ROBO2: variants seen among roughly 807,000 people sequenced by gnomAD.
ROBO2 encodes roundabout homolog 2.
Under a neutral mutation model 160.8 loss-of-function variants are expected in ROBO2, and 53 were observed. The ratio of observed to expected loss-of-function variants is 0.33; its 90% CI spans 0.26 to 0.41. The LOEUF is 0.41. ROBO2 is among the 10% of genes least tolerant of loss of function. ROBO2 has a pLI of 1.00. For synonymous variants in ROBO2, 664 were observed against 611.7 expected (o/e 1.09, Z -1.26); for missense variants, 1,577 against 1,722.4 (o/e 0.92, Z 1.49).
intron 2 of ROBO2, among the ~76,000 whole-genome samples, chr3:76,435,803 A>G (rs1409329847): frequency 2.0e-5 from 3 of 152,158 alleles, no homozygotes; most frequent in African/African-American, 7.2e-5. Flanking sequence ...GAATGTTCAC[A>G]CTGGTTAATC....
At chr3:75,964,278 A>G (rs1313212837) in intron 2 of ROBO2, among the ~76,000 whole-genome samples, 17 of 151,706 alleles carry the variant, frequency 1.1e-4, no homozygotes, top group African/African-American at 4.1e-4. Flanking sequence ...CAGAATGTGT[A>G]AAAAAAATCT....
chr3:76,143,894 T>C (rs945366829), intron 2 of ROBO2, among the ~76,000 whole-genome samples: 7 of 152,000 alleles, frequency 4.6e-5, no homozygotes, highest in African/African-American at 1.7e-4. Flanking sequence ...AGTTCCACTG[T>C]AAGGTGGGAG....
chr3:77,644,822 A>G (rs2095395325), exon 25 of ROBO2: 2 of 1,614,052 alleles, frequency 1.2e-6, no homozygotes, highest in African/African-American at 2.7e-5. Context: ...TGTTGAGAGC[A>G]GGCCACCAGC....
At chr3:76,023,017 C>G (rs1386706152) in intron 2 of ROBO2, among the ~76,000 whole-genome samples, 1 of 151,804 alleles carries the variant, frequency 6.6e-6, no homozygotes, top group Non-Finnish European at 1.5e-5. Flanking sequence ...TCAGCACACA[C>G]TAGTTCACCT....
intron 1 of ROBO2, among the ~76,000 whole-genome samples, chr3:77,055,190 G>A (rs530791174): frequency 1.6e-4 from 24 of 151,844 alleles, no homozygotes; most frequent in Admixed American, 3.9e-4. Context: ...CTTCCACTGC[G>A]TCTTCCCACT....
At chr3:77,228,177 CT>C (rs779506144) in intron 2 of ROBO2, among the ~76,000 whole-genome samples, 1 of 151,738 alleles carries the variant, frequency 6.6e-6, no homozygotes, top group South Asian at 2.1e-4. Context: ...ATTTTTGTTT[CT>C]TTTTTTGAGA....
At chr3:77,141,134 T>C (rs938819061) in intron 2 of ROBO2, among the ~76,000 whole-genome samples, 2 of 152,202 alleles carry the variant, frequency 1.3e-5, no homozygotes, top group Non-Finnish European at 1.5e-5. Flanking sequence ...ACAATGTAAT[T>C]TGATCTTATA....
In ROBO2 at chr3:76,962,206, G is replaced by C. The variant is rs111386094; in HGVS notation, c.110-135808G>C. 5.4e-3 allele frequency among the ~76,000 whole-genome samples: 828 copies of C among 152,148 alleles called. 7 individuals carry two copies. The highest frequency in any genetic ancestry group is 0.019 in the African/African-American group (771 of 41,508). On this transcript the variant is annotated intron_variant, in intron 2 of 26. Coordinates refer to the ROBO2 transcript ENST00000487694. ...AAAAATTAGCTGGGTGTGGTGGCAG[G>C]TGCCTGTAATCCAAGCTACTTGGGA...
chr3:76,346,762 A>G (rs2074556374), intron 2 of ROBO2, among the ~76,000 whole-genome samples: 1 of 152,150 alleles, frequency 6.6e-6, no homozygotes, highest in South Asian at 2.1e-4. Context: ...TAAGGGATCT[A>G]AAAAATATGA....
intron 2 of ROBO2, among the ~76,000 whole-genome samples, chr3:76,806,322 C>A (rs2064709951): frequency 6.6e-6 from 1 of 151,560 alleles, no homozygotes; most frequent in Non-Finnish European, 1.5e-5. Flanking sequence ...CTCTTGCACA[C>A]CCAGGGGAAC....
chr3:77,602,213 T>G (rs1443169806), exon 20 of ROBO2: 1 of 1,614,062 alleles, frequency 6.2e-7, no homozygotes, highest in African/African-American at 1.3e-5. Context: ...ACCACAGATG[T>G]GCTGCCACCA....
At chr3:77,317,152 C>CCCAG (rs1253978116) in intron 2 of ROBO2, 14 of 1,043,708 alleles carry the variant, frequency 1.3e-5, no homozygotes, top group South Asian at 2.6e-5. Flanking sequence ...GCATCTGGTA[C>CCCAG]CCAGCCAGCC....
At chr3:76,226,329 C>A (rs1012709406) in intron 2 of ROBO2, among the ~76,000 whole-genome samples, 5 of 152,042 alleles carry the variant, frequency 3.3e-5, no homozygotes, top group Non-Finnish European at 5.9e-5. Flanking sequence ...TTTAGCACCA[C>A]AAAATTCTTC....
chr3:77,432,241 T>C (rs1030397434), intron 2 of ROBO2, among the ~76,000 whole-genome samples: 1 of 152,164 alleles, frequency 6.6e-6, no homozygotes, highest in Non-Finnish European at 1.5e-5. Context: ...TTATAGGAAA[T>C]GTAAGGAATG....
chr3:76,194,165 T>TG (rs997435580), intron 2 of ROBO2, among the ~76,000 whole-genome samples: 13 of 151,636 alleles, frequency 8.6e-5, no homozygotes, highest in Non-Finnish European at 1.8e-4. Context: ...AATTTCATTA[T>TG]GGGGGTGTTT....
At chr3:77,336,746 C>G (rs2066538188) in intron 2 of ROBO2, among the ~76,000 whole-genome samples, 1 of 152,152 alleles carries the variant, frequency 6.6e-6, no homozygotes, top group Non-Finnish European at 1.5e-5. Context: ...CCTGGTGTAC[C>G]ACACCAACGC....
chr3:76,264,487 C>T (rs1706973452), intron 2 of ROBO2, among the ~76,000 whole-genome samples: 1 of 152,010 alleles, frequency 6.6e-6, no homozygotes. Context: ...ATGTCTCTCG[C>T]TTTCTTAAAT....
chr3:77,045,089 C>T (rs1302708944), intron 1 of ROBO2, among the ~76,000 whole-genome samples: 1 of 152,058 alleles, frequency 6.6e-6, no homozygotes, highest in Non-Finnish European at 1.5e-5. Context: ...TCTGAAAGGA[C>T]TTCCTGAGCC....
At chr3:77,273,758 G>GAT (rs2059650573) in intron 2 of ROBO2, among the ~76,000 whole-genome samples, 2 of 152,288 alleles carry the variant, frequency 1.3e-5, no homozygotes, top group African/African-American at 4.8e-5. Flanking sequence ...TTGGAAAGTT[G>GAT]ATCAGTGCTT....
Sources: gnomAD v4.1 joint callset for allele counts (sites outside exome capture counted in the v4.1 genomes callset) on GRCh38, gnomAD v4.1.1 for gene constraint, MANE v1.5 for transcripts, NCBI Gene and HGNC (gene_info 2026-07-23, HGNC 2026-07-21) for gene names.